Variants in PPARGC1A observed in about 807,000 individuals in gnomAD.
PPARGC1A encodes the protein peroxisome proliferator-activated receptor gamma coactivator 1-alpha.
PPARGC1A carries 25 observed loss-of-function variants against 88.7 expected under a neutral mutation model. That is an observed-to-expected ratio of 0.28 (90% CI 0.21 to 0.39). The LOEUF (loss-of-function observed/expected upper bound fraction) is 0.39, where lower values mean the gene tolerates loss of function less well. Among genes scored for constraint, PPARGC1A ranks in the 10% least tolerant of loss-of-function variants. The pLI is 1.00. For synonymous variants in PPARGC1A, 363 were observed against 355.6 expected (o/e 1.02, Z -0.24); for missense variants, 880 against 968.7 (o/e 0.91, Z 1.22).
chr4:24,228,759 A>T, the PPARGC1A span, among the ~76,000 whole-genome samples: 1 of 152,322 alleles, frequency 6.6e-6, no homozygotes, highest in South Asian at 2.1e-4. Context: ...CTGCCTAAAC[A>T]TACCCATTAC....
intron 2 of PPARGC1A, among the ~76,000 whole-genome samples, chr4:23,876,778 T>C (rs113851213): frequency 5.9e-5 from 9 of 152,034 alleles, no homozygotes; most frequent in African/African-American, 2.2e-4. Context: ...TTAACACCCA[T>C]TGTAAGACTG....
chr4:24,387,876 G>GAAA, the PPARGC1A span, among the ~76,000 whole-genome samples: 2 of 88,530 alleles, frequency 2.3e-5, no homozygotes, highest in African/African-American at 8.3e-5. Flanking sequence ...AAGGAAGAAA[G>GAAA]AGAAAGAAAG....
the PPARGC1A span, among the ~76,000 whole-genome samples, chr4:24,124,131 C>T: frequency 1.3e-4 from 20 of 152,014 alleles, no homozygotes; most frequent in Non-Finnish European, 2.8e-4. Context: ...AAAAACCAAA[C>T]GATAGCCGGA....
chr4:24,198,133 A>G, the PPARGC1A span, among the ~76,000 whole-genome samples: 3 of 152,224 alleles, frequency 2.0e-5, no homozygotes, highest in Non-Finnish European at 4.4e-5. Flanking sequence ...CTATCTAAGC[A>G]TGTAAGCAAA....
the PPARGC1A span, among the ~76,000 whole-genome samples, chr4:23,985,265 CA>C: frequency 8.1e-4 from 124 of 152,148 alleles, 1 homozygote; most frequent in Admixed American, 3.7e-3. Context: ...GTGAGCAAAG[CA>C]GTTGTCAGAC....
intron 7 of PPARGC1A, chr4:23,820,399 A>G (rs1430236192): frequency 5.0e-6 from 1 of 198,388 alleles, no homozygotes; most frequent in Non-Finnish European, 1.1e-5. Context: ...CTATATATAC[A>G]TATACATAAA....
chr4:23,796,019 T>C, intron 12 of PPARGC1A, 94 bp from the exon 13 acceptor site: 1 of 846,160 alleles, frequency 1.2e-6, no homozygotes, highest in East Asian at 2.5e-5. Flanking sequence ...CGATAACAAC[T>C]CTTCCAATCA....
At chr4:24,408,359 A>G in the PPARGC1A span, among the ~76,000 whole-genome samples, 1 of 152,124 alleles carries the variant, frequency 6.6e-6, no homozygotes, top group Non-Finnish European at 1.5e-5. Flanking sequence ...CTGCTTTGAA[A>G]AAAAAAAAAC....
the PPARGC1A span, among the ~76,000 whole-genome samples, chr4:23,989,171 C>T: frequency 0.017 from 2,625 of 151,814 alleles, 52 homozygotes; most frequent in South Asian, 0.11. Context: ...AGATCTAATA[C>T]CTTCTAAACT....
chr4:24,065,174 C>T, the PPARGC1A span, among the ~76,000 whole-genome samples: 11 of 152,156 alleles, frequency 7.2e-5, no homozygotes, highest in Admixed American at 3.3e-4. Flanking sequence ...AAGAAGAGAC[C>T]CAATCGCGTA....
At chr4:24,363,283 A>T in the PPARGC1A span, among the ~76,000 whole-genome samples, 5 of 106,190 alleles carry the variant, frequency 4.7e-5, no homozygotes, top group African/African-American at 1.5e-4. Flanking sequence ...AGGCTCACTT[A>T]TATGTCGATC....
chr4:24,341,205 TTATATATATAATTA>T, the PPARGC1A span, among the ~76,000 whole-genome samples: 1 of 150,040 alleles, frequency 6.7e-6, no homozygotes, highest in Non-Finnish European at 1.5e-5. Context: ...AATTAAAAAC[TTATATATATAATTA>T]TATATATATA....
At chr4:24,151,147 T>A in the PPARGC1A span, among the ~76,000 whole-genome samples, 1 of 152,208 alleles carries the variant, frequency 6.6e-6, no homozygotes, top group Non-Finnish European at 1.5e-5. Flanking sequence ...TTGACATTGC[T>A]CCCCTTTCAC....
At chr4:23,815,653 A>C (rs1387317224) in intron 7 of PPARGC1A, among the ~76,000 whole-genome samples, 1 of 152,044 alleles carries the variant, frequency 6.6e-6, no homozygotes, top group African/African-American at 2.4e-5. Context: ...AGTAAGCCCT[A>C]CTCATCCGTT....
the PPARGC1A span, among the ~76,000 whole-genome samples, chr4:24,217,108 C>T: frequency 1.3e-5 from 2 of 152,256 alleles, no homozygotes; most frequent in East Asian, 3.9e-4. Context: ...CAAGGAGAAG[C>T]ATAAAATGTG....
the PPARGC1A span, among the ~76,000 whole-genome samples, chr4:24,161,335 C>T: frequency 6.6e-6 from 1 of 152,232 alleles, no homozygotes; most frequent in South Asian, 2.1e-4. Context: ...GAAAGTTCAA[C>T]TCATCACAAT....
At chr4:24,088,800 A>G in the PPARGC1A span, among the ~76,000 whole-genome samples, 1 of 152,132 alleles carries the variant, frequency 6.6e-6, no homozygotes, top group East Asian at 1.9e-4. Context: ...TTATTATTCC[A>G]TGGGATAAAT....
the PPARGC1A span, among the ~76,000 whole-genome samples, chr4:24,307,959 G>A: frequency 1.3e-5 from 2 of 152,042 alleles, no homozygotes; most frequent in African/African-American, 4.8e-5. Flanking sequence ...AACTAACAAG[G>A]AGCACAACTA....
the PPARGC1A span, among the ~76,000 whole-genome samples, chr4:23,986,597 T>A: frequency 0.14 from 20,749 of 152,154 alleles, 1,605 homozygotes; most frequent in South Asian, 0.19. Flanking sequence ...AGGCATTTTA[T>A]ATACATGATC....
Sources: allele counts gnomAD v4.1 joint callset (sites outside exome capture counted in the v4.1 genomes callset), GRCh38; gene constraint gnomAD v4.1.1; transcripts MANE v1.5; gene names NCBI Gene and HGNC (gene_info 2026-07-23, HGNC 2026-07-21).